The following TRPS1 variants were observed in gnomAD, a reference collection of about 807,000 sequenced individuals.
TRPS1 encodes transcriptional repressor GATA binding 1, also known as zinc finger transcription factor Trps1.
TRPS1 carries 6 observed loss-of-function variants against 101.2 expected under a neutral mutation model. The ratio of observed to expected loss-of-function variants is 0.06; its 90% CI spans 0.03 to 0.12. The LOEUF (loss-of-function observed/expected upper bound fraction) is 0.12, where lower values mean the gene tolerates loss of function less well. TRPS1 is among the 10% of genes least tolerant of loss of function. The pLI, the probability that TRPS1 is intolerant of heterozygous loss-of-function variation, is 1.00. For missense variants in TRPS1, 1,363 were observed against 1,567.0 expected (o/e 0.87, Z 2.20); for synonymous variants, 578 against 589.8 (o/e 0.98, Z 0.29).
chr8:115,415,258 A>G (rs2129753179), intron 6 of TRPS1, among the ~76,000 whole-genome samples, 174 bp from the exon 7 acceptor site: 1 of 152,296 alleles, frequency 6.6e-6, no homozygotes, highest in East Asian at 1.9e-4. Context: ...GGAAGTAACC[A>G]AAGTGCACTA....
intron 1 of TRPS1, among the ~76,000 whole-genome samples, chr8:115,629,823 C>T (rs1225668735): frequency 2.0e-5 from 3 of 151,820 alleles, no homozygotes; most frequent in Non-Finnish European, 4.4e-5. Context: ...TTCTTCTCCA[C>T]TCCACTCAGT....
rs573128006 is a variant in TRPS1, at chr8:115,590,695, T to C, written c.2097-3091A>G. Among the ~76,000 whole-genome samples, 4 of 152,354 alleles carry C rather than the reference T, an allele frequency of 2.6e-5. No individual in the cohort carries two copies. In the South Asian group the frequency reaches 6.2e-4, roughly 24 times the overall value. Reference sequence around the variant, plus strand: ...TTAAGCTTCAAACTTTGGCTCTGTATTCTACAATGTAAGTAACTTCGAATA... The same window carrying C: ...TTAAGCTTCAAACTTTGGCTCTGTACTCTACAATGTAAGTAACTTCGAATA... On this transcript the variant is annotated intron_variant, in intron 4 of 6. Coordinates refer to ENST00000395715, the MANE Select transcript of TRPS1 (RefSeq NM_014112.5).
intron 1 of TRPS1, among the ~76,000 whole-genome samples, chr8:115,638,135 C>T (rs890395953): frequency 1.3e-5 from 2 of 152,138 alleles, no homozygotes; most frequent in Non-Finnish European, 2.9e-5. Context: ...ACACAACACA[C>T]CTCTTTAATT....
At chr8:115,518,604 A>G (rs10955752) in intron 5 of TRPS1, among the ~76,000 whole-genome samples, 103,227 of 151,554 alleles carry the variant, frequency 0.68, 36,722 homozygotes, top group African/African-American at 0.88. Context: ...CCTAAAGTGG[A>G]GCTTCCAAAT....
chr8:115,525,455 T>C (rs1212784484), intron 5 of TRPS1, among the ~76,000 whole-genome samples: 1 of 152,104 alleles, frequency 6.6e-6, no homozygotes, highest in Non-Finnish European at 1.5e-5. Flanking sequence ...TATGCCAGTG[T>C]ATAAGATATT....
At chr8:115,482,663 C>T (rs759877811) in intron 5 of TRPS1, among the ~76,000 whole-genome samples, 11 of 152,134 alleles carry the variant, frequency 7.2e-5, no homozygotes, top group Non-Finnish European at 1.0e-4. Flanking sequence ...GTCCCTAAGG[C>T]AAGGTAACTC....
chr8:115,491,483 T>C (rs1284917472), intron 5 of TRPS1, among the ~76,000 whole-genome samples: 1 of 152,128 alleles, frequency 6.6e-6, no homozygotes, highest in African/African-American at 2.4e-5. Context: ...GAAGGAATCA[T>C]GGTAAACTTA....
intron 5 of TRPS1, among the ~76,000 whole-genome samples, chr8:115,551,969 G>A (rs886904192): frequency 6.6e-6 from 1 of 152,006 alleles, no homozygotes; most frequent in African/African-American, 2.4e-5. Context: ...CTCATTCTTC[G>A]AATCATCTTG....
chr8:115,496,213 C>T (rs564669908), intron 5 of TRPS1, among the ~76,000 whole-genome samples: 2 of 152,066 alleles, frequency 1.3e-5, no homozygotes, highest in Non-Finnish European at 2.9e-5. Flanking sequence ...ATTTACAAAG[C>T]CTAAGAAACT....
At chr8:115,464,996 A>G (rs1326111536) in intron 5 of TRPS1, among the ~76,000 whole-genome samples, 1 of 152,090 alleles carries the variant, frequency 6.6e-6, no homozygotes, top group Non-Finnish European at 1.5e-5. Flanking sequence ...AATGCTTCAG[A>G]TTATTAAAGC....
intron 5 of TRPS1, among the ~76,000 whole-genome samples, chr8:115,535,223 CATAT>C (rs1198465428): frequency 1.2e-5 from 1 of 85,390 alleles, no homozygotes; most frequent in African/African-American, 5.4e-5. Context: ...GCATATATAG[CATAT>C]ATATATAGCA....
intron 6 of TRPS1, among the ~76,000 whole-genome samples, chr8:115,415,531 A>T (rs142750520): frequency 1.3e-5 from 2 of 152,302 alleles, no homozygotes; most frequent in East Asian, 3.9e-4. Context: ...TACAGACAGA[A>T]TAAGTTTATA....
intron 5 of TRPS1, among the ~76,000 whole-genome samples, chr8:115,542,572 G>A (rs977517630): frequency 2.6e-5 from 4 of 152,040 alleles, no homozygotes; most frequent in Non-Finnish European, 5.9e-5. Context: ...GGAGAAAAAG[G>A]GAGAAGGTCT....
At chr8:115,601,875 T>C (rs1169259021) in intron 4 of TRPS1, among the ~76,000 whole-genome samples, 3 of 152,254 alleles carry the variant, frequency 2.0e-5, no homozygotes, top group East Asian at 1.9e-4. Flanking sequence ...ATCCTGCCAC[T>C]GTGTTAAATC....
intron 5 of TRPS1, among the ~76,000 whole-genome samples, chr8:115,485,077 TACA>T (rs1814844902): frequency 6.6e-6 from 1 of 152,306 alleles, no homozygotes; most frequent in South Asian, 2.1e-4. Context: ...TAGTTGACCT[TACA>T]ACAGGAGGTT....
At chr8:115,497,636 C>T (rs1815181733) in intron 5 of TRPS1, among the ~76,000 whole-genome samples, 1 of 152,124 alleles carries the variant, frequency 6.6e-6, no homozygotes. Flanking sequence ...ATAATTCTAC[C>T]AGTTTTGTTT....
At chr8:115,611,864 T>C (rs1337321209) in intron 3 of TRPS1, among the ~76,000 whole-genome samples, 1 of 152,220 alleles carries the variant, frequency 6.6e-6, no homozygotes, top group Non-Finnish European at 1.5e-5. Context: ...TTGTTCTTAC[T>C]ATTATCCTTT....
chr8:115,441,615 G>A (rs1276822131), intron 5 of TRPS1, among the ~76,000 whole-genome samples: 2 of 151,968 alleles, frequency 1.3e-5, no homozygotes, highest in African/African-American at 4.8e-5. Flanking sequence ...AAGAAATCAT[G>A]CTTAGTTTAG....
intron 3 of TRPS1, among the ~76,000 whole-genome samples, chr8:115,616,484 G>A (rs1159082289): frequency 1.3e-5 from 2 of 150,518 alleles, no homozygotes; most frequent in Non-Finnish European, 2.9e-5. Flanking sequence ...ATAGATCAAA[G>A]CCATAGAGTT....
Sources: gnomAD v4.1 joint callset for allele counts (sites outside exome capture counted in the v4.1 genomes callset) on GRCh38, gnomAD v4.1.1 for gene constraint, MANE v1.5 for transcripts, NCBI Gene and HGNC (gene_info 2026-07-23, HGNC 2026-07-21) for gene names.